SNX10: variants seen among roughly 807,000 people sequenced by gnomAD.
The protein encoded by SNX10 is sorting nexin-10.
In SNX10, 25 loss-of-function variants were observed where a neutral mutation model predicts 28.5. The observed-to-expected ratio is 0.88, with a 90% CI of 0.64 to 1.22. The LOEUF (loss-of-function observed/expected upper bound fraction) is 1.22, where lower values mean the gene tolerates loss of function less well. SNX10 is among the 50% of genes most tolerant of loss of function. The pLI is 0.00. For synonymous variants in SNX10, 62 were observed against 81.4 expected, an observed-to-expected ratio of 0.76 and a Z score of 1.28; for missense variants, 223 against 242.6, an observed-to-expected ratio of 0.92 and a Z score of 0.54.
At chr7:26,309,002 A>T (rs956261974) in intron 1 of SNX10, among the ~76,000 whole-genome samples, 1 of 152,100 alleles carries the variant, frequency 6.6e-6, no homozygotes, top group Non-Finnish European at 1.5e-5. Context: ...TGAGTAAGAG[A>T]ATTAAAAAAA....
chr7:26,323,042 G>A (rs1312866995), intron 1 of SNX10, among the ~76,000 whole-genome samples: 2 of 152,122 alleles, frequency 1.3e-5, no homozygotes, highest in Admixed American at 6.6e-5. Flanking sequence ...GGGCCCAGGA[G>A]TTCAAGACTA....
In SNX10 at chr7:26,322,921, A is replaced by G. The variant is rs1787362393; in HGVS notation, c.-23-23499A>G. Among the ~76,000 whole-genome samples the G allele has an allele frequency of 2.0e-5, 3 of 152,172 alleles. No homozygotes were observed. The South Asian group carries it at 6.2e-4, about 31-fold the overall frequency. On this transcript the variant is annotated intron_variant, in intron 1 of 6. Transcript: ENST00000338523. ...AAATAATTAAAAACAAATAAATAGT[A>G]TAGATTCAGGTTGTGTTAAGTGCTG...
chr7:26,334,778 C>G (rs1787859470), intron 1 of SNX10, among the ~76,000 whole-genome samples: 1 of 152,136 alleles, frequency 6.6e-6, no homozygotes, highest in South Asian at 2.1e-4. Context: ...GGTGGAAAAA[C>G]TTAAATGCAA....
intron 1 of SNX10, among the ~76,000 whole-genome samples, chr7:26,299,014 C>A (rs778207085): frequency 1.2e-4 from 19 of 152,124 alleles, no homozygotes; most frequent in Non-Finnish European, 2.5e-4. Context: ...TGCATTTTGG[C>A]AGGACACAAT....
chr7:26,292,705 A>G (rs1399240815), intron 1 of SNX10, among the ~76,000 whole-genome samples: 1 of 152,212 alleles, frequency 6.6e-6, no homozygotes, highest in African/African-American at 2.4e-5. Flanking sequence ...GGGGAGCAAC[A>G]TGTCCTGCTG....
At chr7:26,324,875 G>A (rs539249739) in intron 1 of SNX10, among the ~76,000 whole-genome samples, 9 of 152,222 alleles carry the variant, frequency 5.9e-5, no homozygotes, top group Admixed American at 3.9e-4. Flanking sequence ...TTAAAAATAC[G>A]TAAAAAGAAT....
chr7:26,342,068 C>T (rs1788204101), intron 1 of SNX10, among the ~76,000 whole-genome samples: 1 of 145,666 alleles, frequency 6.9e-6, no homozygotes, highest in African/African-American at 2.6e-5. Flanking sequence ...CTCTTGTTGC[C>T]CAGGCTGGAG....
At chr7:26,361,782 A>G (rs1789082704) in intron 3 of SNX10, among the ~76,000 whole-genome samples, 1 of 152,248 alleles carries the variant, frequency 6.6e-6, no homozygotes. Context: ...GAATGAGCAT[A>G]ATTGTATTCC....
intron 6 of SNX10, 103 bp from the exon 7 acceptor site, chr7:26,372,388 G>C (rs945168253): frequency 1.8e-5 from 14 of 769,384 alleles, no homozygotes; most frequent in South Asian, 1.7e-4. Flanking sequence ...GTCTCTCTTT[G>C]TGACTGGAGA....
chr7:26,363,899 C>T (rs901516403), intron 3 of SNX10, among the ~76,000 whole-genome samples: 4 of 152,330 alleles, frequency 2.6e-5, no homozygotes, highest in Middle Eastern at 3.4e-3. Context: ...GAGTGACTTG[C>T]CCTGTAGCAG....
At chr7:26,329,877 C>G (rs6976271) in intron 1 of SNX10, among the ~76,000 whole-genome samples, 71,669 of 151,816 alleles carry the variant, frequency 0.47, 17,802 homozygotes, top group East Asian at 0.72. Context: ...ACAAGTGGCT[C>G]GTGTGGCAGT....
intron 1 of SNX10, among the ~76,000 whole-genome samples, chr7:26,310,565 C>A (rs1343780682): frequency 6.6e-6 from 1 of 151,946 alleles, no homozygotes; most frequent in African/African-American, 2.4e-5. Context: ...GGCCTTTAAA[C>A]CAAGATCTGA....
At chr7:26,309,014 T>G (rs1479217433) in intron 1 of SNX10, among the ~76,000 whole-genome samples, 1 of 152,190 alleles carries the variant, frequency 6.6e-6, no homozygotes, top group African/African-American at 2.4e-5. Flanking sequence ...TTAAAAAAAA[T>G]GCTTTGAGTT....
At chr7:26,348,999 C>A (rs925773465) in intron 2 of SNX10, among the ~76,000 whole-genome samples, 6 of 152,214 alleles carry the variant, frequency 3.9e-5, no homozygotes, top group African/African-American at 1.4e-4. Flanking sequence ...CTAATCAGCT[C>A]CTCAACAGCA....
At chr7:26,318,264 C>G (rs757132706) in intron 1 of SNX10, among the ~76,000 whole-genome samples, 4 of 151,976 alleles carry the variant, frequency 2.6e-5, no homozygotes, top group Non-Finnish European at 5.9e-5. Context: ...TTTCTTATAG[C>G]TAAGTGTGCA....
At chr7:26,304,521 G>A (rs1786507219) in intron 1 of SNX10, among the ~76,000 whole-genome samples, 1 of 152,296 alleles carries the variant, frequency 6.6e-6, no homozygotes, top group East Asian at 1.9e-4. Context: ...CTGGTGGCAG[G>A]GCCAGGGGTG....
At chr7:26,371,060 CT>C (rs1191426487) in intron 5 of SNX10, among the ~76,000 whole-genome samples, 1 of 152,052 alleles carries the variant, frequency 6.6e-6, no homozygotes, top group Non-Finnish European at 1.5e-5. Flanking sequence ...AGTTTTTAAT[CT>C]TCCATGTAGT....
At chr7:26,306,820 G>C (rs1346756933) in intron 1 of SNX10, among the ~76,000 whole-genome samples, 1 of 152,210 alleles carries the variant, frequency 6.6e-6, no homozygotes, top group Non-Finnish European at 1.5e-5. Context: ...GGCACAGTCG[G>C]AGCCAGGCAC....
At chr7:26,309,181 G>A (rs567999532) in intron 1 of SNX10, among the ~76,000 whole-genome samples, 1 of 151,918 alleles carries the variant, frequency 6.6e-6, no homozygotes, top group South Asian at 2.1e-4. Context: ...GTCCTAATGC[G>A]AGCATCAAGA....
Sources: allele counts gnomAD v4.1 joint callset (sites outside exome capture counted in the v4.1 genomes callset), GRCh38; gene constraint gnomAD v4.1.1; transcripts MANE v1.5; gene names NCBI Gene and HGNC (gene_info 2026-07-23, HGNC 2026-07-21).